The following CDC42EP1 variants were observed in gnomAD, a reference collection of about 807,000 sequenced individuals.
The protein encoded by CDC42EP1 is CDC42 effector protein 1, also known as 55 kDa bone marrow stromal/endothelial cell protein.
Under a neutral mutation model 7.4 loss-of-function variants are expected in CDC42EP1, and 6 were observed. That is an observed-to-expected ratio of 0.81 (90% CI 0.44 to 1.60). The LOEUF is 1.60. Ranked by LOEUF, CDC42EP1 falls within the 40% of genes most tolerant of loss-of-function variation. The pLI, the probability that CDC42EP1 is intolerant of heterozygous loss-of-function variation, is 0.01. For missense variants in CDC42EP1, 567 were observed against 539.0 expected (o/e 1.05, Z -0.51); for synonymous variants, 238 against 227.1 (o/e 1.05, Z -0.43).
rs67228684 is a variant in CDC42EP1, at chr22:37,565,185, CTT to C, written c.-278-868_-278-867del. 7.4e-3 allele frequency among the ~76,000 whole-genome samples: 675 copies of C among 90,862 alleles called. 3 individuals carry two copies. Among genetic ancestry groups the C allele is most frequent in the South Asian group, 0.037 (98 of 2,652 alleles). 59.6% of individuals were successfully genotyped at this position (90,862 alleles called of 152,430 possible). ...GAATAAGTGCTTTCTTTTTTTTTTC[CTT>C]TTTTTTTTTTTTTTTTTTGAGACAA... On this transcript the variant is annotated intron_variant, in intron 1 of 2. Coordinates refer to ENST00000249014, the MANE Select transcript of CDC42EP1 (RefSeq NM_152243.3).
intron 1 of CDC42EP1, among the ~76,000 whole-genome samples, chr22:37,563,317 C>T (rs904029014): frequency 1.3e-5 from 2 of 152,192 alleles, no homozygotes; most frequent in Admixed American, 6.5e-5. Context: ...CCCTTCCCTC[C>T]GAACCTCAGT....
chr22:37,568,028 G>A lies in CDC42EP1; in HGVS notation c.464-80G>A, dbSNP rs1925307102. 13 of 1,279,736 alleles carry A rather than the reference G, an allele frequency of 1.0e-5. No homozygotes were observed. In the South Asian group the frequency reaches 1.3e-4, roughly 13 times the overall value. 79.3% of individuals were successfully genotyped at this position (1,279,736 alleles called of 1,614,324 possible). ...GGACTAGCCAGAGGCCACACAGCAA[G>A]CCAGGACTGGTCCTGTCTCCCCTCC... On this transcript the variant is annotated intron_variant, in intron 2 of 2. Coordinates refer to ENST00000249014, the MANE Select transcript of CDC42EP1 (RefSeq NM_152243.3).
chr22:37,561,594 G>A (rs1925042012), intron 1 of CDC42EP1, among the ~76,000 whole-genome samples: 1 of 152,240 alleles, frequency 6.6e-6, no homozygotes, highest in Admixed American at 6.5e-5. Flanking sequence ...TCTGGACTTT[G>A]AGGAGCAGGA....
In CDC42EP1 at chr22:37,568,376, C is replaced by T. The variant is rs10427607; in HGVS notation, c.732C>T (p.Asn244=). 5.5e-3 allele frequency: 7,894 copies of T among 1,442,530 alleles called. 350 individuals carry two copies. In the African/African-American group the frequency reaches 0.097, roughly 18 times the overall value. 89.4% of individuals were successfully genotyped at this position (1,442,530 alleles called of 1,614,324 possible). ...CAAACCCCACGGGTCCTGCTGCAAA[C>T]CCCCCAGCCACTACTGCAAACCCCC... ...PTANPTGPAA[N]PPATTANPPA... The change falls in exon 3 of 3, where the codon AAC becomes AAT. Residue 244 remains asparagine (N), a synonymous_variant. Coordinates refer to ENST00000249014, the MANE Select transcript of CDC42EP1 (RefSeq NM_152243.3).
chr22:37,562,766 G>A (rs904078150), intron 1 of CDC42EP1, among the ~76,000 whole-genome samples: 16 of 138,734 alleles, frequency 1.2e-4, no homozygotes, highest in African/African-American at 4.2e-4. Context: ...GACCATGGGG[G>A]TTCAGGGGGG....
At chr22:37,561,841 C>G (rs984730840) in intron 1 of CDC42EP1, among the ~76,000 whole-genome samples, 8 of 152,280 alleles carry the variant, frequency 5.3e-5, no homozygotes, top group African/African-American at 1.9e-4. Flanking sequence ...TGCAGCCGCC[C>G]CCGCTCTCCT....
At chr22:37,567,724 G>A (rs978438019) in intron 2 of CDC42EP1, among the ~76,000 whole-genome samples, 4 of 152,184 alleles carry the variant, frequency 2.6e-5, no homozygotes, top group African/African-American at 7.2e-5. Flanking sequence ...TGCAGCCATC[G>A]GCCAGCGTCA....
At chr22:37,564,713 G>A (rs1925163665) in intron 1 of CDC42EP1, among the ~76,000 whole-genome samples, 1 of 151,982 alleles carries the variant, frequency 6.6e-6, no homozygotes, top group Non-Finnish European at 1.5e-5. Context: ...CCTCAGGCAA[G>A]TTACGTCACT....
At position 37,566,903 on chromosome 22, in the gene CDC42EP1, C is replaced by G; in HGVS notation, c.463+91C>G. ...GGCTCCTCCAAGCTCCAAGTGAGCT[C>G]CAAGTGACCACAGAGGTCAGGCCCA... On this transcript the variant is annotated intron_variant, in intron 2 of 2. Coordinates refer to ENST00000249014, the MANE Select transcript of CDC42EP1 (RefSeq NM_152243.3). The surrounding 1 kb of genome is among the most constrained non-coding windows in gnomAD (Gnocchi z 6.4). The G allele has an allele frequency of 3.1e-6, 3 of 969,048 alleles. No homozygotes were observed. Among genetic ancestry groups the G allele is most frequent in the Non-Finnish European group, 4.5e-6 (3 of 660,324 alleles). 60.0% of individuals were successfully genotyped at this position (969,048 alleles called of 1,614,324 possible). A position where few individuals can be genotyped will look rare whatever the true frequency, so the allele number is the denominator to read the frequency against.
rs912401422 is a variant in CDC42EP1 at position 37,566,197 on chromosome 22, C to A, written c.-153C>A. 3.8e-5 allele frequency: 20 copies of A among 522,016 alleles called. No individual in the cohort carries two copies. Among genetic ancestry groups the A allele is most frequent in the Non-Finnish European group, 5.4e-5 (16 of 297,960 alleles). The allele number at this position is 522,016 out of a possible 1,614,324, so 32.3% of individuals were successfully genotyped here. ...TGGGAGAGACGAGCCATGAACCCCC[C>A]ACAGCCTCTGCATTTGGGGACCTCA... is the stretch of plus-strand genomic sequence containing the variant. On this transcript the variant is annotated 5_prime_UTR_variant, in exon 2 of 3. Transcript: ENST00000249014. This position sits in a 1 kb window ranked among gnomAD's most constrained non-coding sequence, Gnocchi z 6.4.
At chr22:37,562,978 A>G (rs1351529110) in intron 1 of CDC42EP1, among the ~76,000 whole-genome samples, 1 of 152,020 alleles carries the variant, frequency 6.6e-6, no homozygotes, top group Non-Finnish European at 1.5e-5. Context: ...GCATGGTGGT[A>G]TGTGCCTGTA....
At chr22:37,564,888 C>T (rs1288807887) in intron 1 of CDC42EP1, among the ~76,000 whole-genome samples, 2 of 152,286 alleles carry the variant, frequency 1.3e-5, no homozygotes, top group African/African-American at 2.4e-5. Context: ...AAGCAATTCT[C>T]CTGCCTCAGG....
intron 1 of CDC42EP1, among the ~76,000 whole-genome samples, chr22:37,561,138 G>A (rs1925025804): frequency 6.6e-6 from 1 of 152,114 alleles, no homozygotes; most frequent in African/African-American, 2.4e-5. Flanking sequence ...CCCGCGGAGC[G>A]ACCCTCCGCG....
chr22:37,569,059 C>G lies in CDC42EP1; in HGVS notation c.*239C>G. 1 of 372,976 alleles carries G rather than the reference C, an allele frequency of 2.7e-6. No individual in the cohort carries two copies. The highest frequency in any genetic ancestry group is 4.8e-6 in the Non-Finnish European group (1 of 209,812). 23.1% of individuals were successfully genotyped at this position (372,976 alleles called of 1,614,324 possible). On this transcript the variant is annotated 3_prime_UTR_variant, in exon 3 of 3. Coordinates refer to ENST00000249014, the MANE Select transcript of CDC42EP1 (RefSeq NM_152243.3). ...CCGACTGCCACTCTGGACCTAATAGCTGTTCCTTAGGCCCCACTCCATGCC... is the reference window on the plus strand; with the variant it reads ...CCGACTGCCACTCTGGACCTAATAGGTGTTCCTTAGGCCCCACTCCATGCC...
chr22:37,562,643 G>A (rs955667675), intron 1 of CDC42EP1, among the ~76,000 whole-genome samples: 1 of 152,176 alleles, frequency 6.6e-6, no homozygotes, highest in African/African-American at 2.4e-5. Context: ...TCTCTCGACC[G>A]CAGTAGGCAG....
chr22:37,566,417 G>C lies in CDC42EP1; in HGVS notation c.68G>C (p.Trp23Ser). 1.2e-6 allele frequency: 2 copies of C among 1,605,940 alleles called. No homozygotes were observed. The highest frequency in any genetic ancestry group is 1.1e-5 in the South Asian group (1 of 89,814). ...MSLGKLSPVG[W>S]VSSSQGKRRL... is the part of the protein sequence containing the mutation. ...CTGGGCAAGCTCTCGCCTGTGGGCT[G>C]GGTGTCCAGTTCACAGGGAAAGAGG... Residue 23 changes from tryptophan to serine, a missense_variant, in exon 2 of 3, where the codon TGG becomes TCG. Physicochemically the swap from Trp to Ser is radical, Grantham distance 177. Transcript: ENST00000249014. The surrounding 1 kb of genome is among the most constrained non-coding windows in gnomAD (Gnocchi z 6.4).
Position 37,566,919 on chromosome 22 carries a change from G to T in CDC42EP1, c.463+107G>T, listed in dbSNP as rs1214448290. 20 of 788,026 alleles carry T rather than the reference G, an allele frequency of 2.5e-5. No homozygotes were observed. The highest frequency in any genetic ancestry group is 2.1e-4 in the South Asian group (11 of 51,594). The allele number at this position is 788,026 out of a possible 1,614,324, so 48.8% of individuals were successfully genotyped here. ...AAGTGAGCTCCAAGTGACCACAGAGGTCAGGCCCAGACCCCACATCATGGA... is the reference window on the plus strand; with the variant it reads ...AAGTGAGCTCCAAGTGACCACAGAGTTCAGGCCCAGACCCCACATCATGGA... On this transcript the variant is annotated intron_variant, in intron 2 of 2. Transcript: ENST00000249014. This position sits in a 1 kb window ranked among gnomAD's most constrained non-coding sequence, Gnocchi z 6.4.
chr22:37,565,028 T>C (rs1268391753), intron 1 of CDC42EP1, among the ~76,000 whole-genome samples: 1 of 152,168 alleles, frequency 6.6e-6, no homozygotes, highest in Non-Finnish European at 1.5e-5. Flanking sequence ...TCCACCCGCC[T>C]TGGCCTCCCA....
At chr22:37,561,873 C>T (rs1308123996) in intron 1 of CDC42EP1, among the ~76,000 whole-genome samples, 1 of 152,208 alleles carries the variant, frequency 6.6e-6, no homozygotes, top group Non-Finnish European at 1.5e-5. Flanking sequence ...CTTGGCCTCC[C>T]CGCGACCACA....
Sources: allele counts gnomAD v4.1 joint callset (sites outside exome capture counted in the v4.1 genomes callset), GRCh38; gene constraint gnomAD v4.1.1; non-coding constraint Gnocchi (gnomAD v3.1); transcripts MANE v1.5; gene names NCBI Gene and HGNC (gene_info 2026-07-23, HGNC 2026-07-21).